The following SNX29 variants were observed in gnomAD, a reference collection of about 807,000 sequenced individuals.
SNX29 encodes sorting nexin 29, also known as sorting nexin-29.
A neutral mutation model predicts 102.1 loss-of-function variants in SNX29; 78 were observed. The ratio of observed to expected loss-of-function variants is 0.76; its 90% CI spans 0.64 to 0.92. The LOEUF is 0.92. Among genes scored for constraint, SNX29 ranks in the 40% least tolerant of loss-of-function variants. The pLI, the probability that SNX29 is intolerant of heterozygous loss-of-function variation, is 0.00. For missense variants in SNX29, 1,280 were observed against 1,061.7 expected (o/e 1.21, Z -2.86); for synonymous variants, 580 against 414.5 (o/e 1.40, Z -4.85).
intron 18 of SNX29, among the ~76,000 whole-genome samples, chr16:12,446,509 C>G (rs1040725452): frequency 9.2e-5 from 14 of 152,200 alleles, no homozygotes; most frequent in African/African-American, 3.4e-4. Flanking sequence ...TGATCTAGCA[C>G]TCCAAGAGGG....
chr16:12,383,249 A>G (rs752366942), intron 16 of SNX29, among the ~76,000 whole-genome samples: 13 of 152,104 alleles, frequency 8.5e-5, no homozygotes, highest in Non-Finnish European at 1.0e-4. Flanking sequence ...GATACATGCA[A>G]TCTTTACATA....
intron 20 of SNX29, among the ~76,000 whole-genome samples, chr16:12,553,905 A>C (rs954263318): frequency 6.6e-6 from 1 of 151,854 alleles, no homozygotes; most frequent in East Asian, 1.9e-4. Context: ...GTGCAGTGGC[A>C]TGATCTCCGC....
At chr16:12,559,068 A>AC (rs1462243065) in intron 20 of SNX29, among the ~76,000 whole-genome samples, 1 of 152,270 alleles carries the variant, frequency 6.6e-6, no homozygotes, top group Admixed American at 6.5e-5. Flanking sequence ...GTAGAGGTCT[A>AC]CCGCTGTGTC....
chr16:12,019,560 TTTGGAA>T (rs906845789), intron 3 of SNX29, among the ~76,000 whole-genome samples: 12 of 151,456 alleles, frequency 7.9e-5, no homozygotes, highest in African/African-American at 2.7e-4. Context: ...CATAATTCCC[TTTGGAA>T]TTGTTATATA....
chr16:12,039,470 G>A (rs1055585561), intron 4 of SNX29, among the ~76,000 whole-genome samples: 1 of 152,164 alleles, frequency 6.6e-6, no homozygotes, highest in African/African-American at 2.4e-5. Context: ...AGCCTAGTTC[G>A]GTTCACAGCT....
At chr16:12,345,936 C>T (rs1020881911) in intron 15 of SNX29, among the ~76,000 whole-genome samples, 25 of 152,154 alleles carry the variant, frequency 1.6e-4, no homozygotes, top group African/African-American at 5.3e-4. Flanking sequence ...TAGAATGCAC[C>T]TCTGTGTGCC....
intron 4 of SNX29, among the ~76,000 whole-genome samples, chr16:12,039,992 A>G (rs1422873140): frequency 1.3e-5 from 2 of 152,212 alleles, no homozygotes; most frequent in Non-Finnish European, 2.9e-5. Context: ...TACTGCCAGC[A>G]TGAAAAAATG....
At position 12,507,942 on chromosome 16, in the gene SNX29, C is replaced by G. The variant is rs1037770376; in HGVS notation, c.2179-16760C>G. On this transcript the variant is annotated intron_variant, in intron 19 of 20. Transcript: ENST00000566228. The stretch of plus-strand genomic sequence containing the variant: ...TTGAATGGAGCTTTTGCAGACCTCT[C>G]CTGTGTAAACAAAGGTGCAAATGGG... Among the ~76,000 whole-genome samples the G allele has an allele frequency of 3.3e-5, 5 of 152,152 alleles. No homozygotes were observed. The East Asian group carries it at 5.8e-4, about 18-fold the overall frequency.
intron 18 of SNX29, among the ~76,000 whole-genome samples, chr16:12,451,154 T>C (rs2086283358): frequency 6.6e-6 from 1 of 152,256 alleles, no homozygotes; most frequent in Non-Finnish European, 1.5e-5. Flanking sequence ...AACAATCTGC[T>C]ACTCGCTGGC....
chr16:12,534,484 T>C (rs1394692557), intron 20 of SNX29, among the ~76,000 whole-genome samples: 1 of 152,162 alleles, frequency 6.6e-6, no homozygotes, highest in African/African-American at 2.4e-5. Context: ...GTTTTCGGGG[T>C]TTGTTTTGCT....
At position 12,352,380 on chromosome 16, in the gene SNX29, G is replaced by C. The variant is rs549785867; in HGVS notation, c.1783-3783G>C. Among the ~76,000 whole-genome samples the C allele has an allele frequency of 2.2e-3, 339 of 152,248 alleles. 2 individuals are homozygous for C. Among genetic ancestry groups the C allele is most frequent in the African/African-American group, 7.0e-3 (289 of 41,548 alleles). ...GGGGACTGTTGTGCGGTGGGGGAAG[G>C]GGGGAGGGATAGCATTAGGAGGTAT... On this transcript the variant is annotated intron_variant, in intron 15 of 20. Transcript: ENST00000566228.
chr16:12,067,644 C>T (rs1248394756), intron 9 of SNX29, among the ~76,000 whole-genome samples: 3 of 152,196 alleles, frequency 2.0e-5, no homozygotes, highest in African/African-American at 7.2e-5. Context: ...TGCACTACCT[C>T]GCACAGCTAA....
chr16:11,998,365 C>T (rs1473816817), intron 1 of SNX29, among the ~76,000 whole-genome samples: 2 of 152,202 alleles, frequency 1.3e-5, no homozygotes, highest in Non-Finnish European at 2.9e-5. Flanking sequence ...TTCAAGTGCT[C>T]TTGCCCCAGA....
At chr16:11,980,050 T>A (rs2055381166) in intron 1 of SNX29, among the ~76,000 whole-genome samples, 1 of 152,198 alleles carries the variant, frequency 6.6e-6, no homozygotes, top group Non-Finnish European at 1.5e-5. Flanking sequence ...CCTCACCTCC[T>A]GTTTATTTTA....
chr16:12,382,061 C>G (rs1181127188), intron 16 of SNX29, among the ~76,000 whole-genome samples: 1 of 152,056 alleles, frequency 6.6e-6, no homozygotes, highest in African/African-American at 2.4e-5. Flanking sequence ...ACCCAGCCAT[C>G]TGAAATGACC....
chr16:12,469,748 C>T (rs1301561277), intron 18 of SNX29, among the ~76,000 whole-genome samples: 3 of 152,188 alleles, frequency 2.0e-5, no homozygotes, highest in South Asian at 2.1e-4. Context: ...GGGTGGCTCA[C>T]GCCTGTAATC....
At chr16:12,404,651 AT>A (rs1416799465) in intron 18 of SNX29, among the ~76,000 whole-genome samples, 1 of 152,136 alleles carries the variant, frequency 6.6e-6, no homozygotes, top group African/African-American at 2.4e-5. Flanking sequence ...CTATTAAGAT[AT>A]TTTTCCCCAA....
At chr16:12,558,347 C>T (rs918878905) in intron 20 of SNX29, among the ~76,000 whole-genome samples, 10 of 152,184 alleles carry the variant, frequency 6.6e-5, no homozygotes, top group Admixed American at 1.3e-4. Flanking sequence ...AAAGAGGCCC[C>T]CTCAGCATCA....
rs1046643666 is a variant in SNX29, at chr16:12,419,617, G to A, written c.2037+16088G>A. ...GTTGCTCTGTGTTGGCTGTGTTCAC[G>A]CCCAGGCTGTGGTGGCAGGGGTGGT... is the stretch of plus-strand genomic sequence containing the variant. On this transcript the variant is annotated intron_variant, in intron 18 of 20. Transcript: ENST00000566228. 1.6e-4 allele frequency among the ~76,000 whole-genome samples: 24 copies of A among 151,676 alleles called. 1 individual carries two copies. The highest frequency in any genetic ancestry group is 5.1e-4 in the African/African-American group (21 of 41,270).
Sources: allele counts gnomAD v4.1 joint callset (sites outside exome capture counted in the v4.1 genomes callset), GRCh38; gene constraint gnomAD v4.1.1; transcripts MANE v1.5; gene names NCBI Gene and HGNC (gene_info 2026-07-23, HGNC 2026-07-21).